Variants in ANTXR1 observed in about 807,000 individuals in gnomAD.
The protein encoded by ANTXR1 is ANTXR cell adhesion molecule 1, also known as anthrax toxin receptor 1.
Under a neutral mutation model 78.1 loss-of-function variants are expected in ANTXR1, and 19 were observed. The ratio of observed to expected loss-of-function variants is 0.24; its 90% CI spans 0.17 to 0.36. ANTXR1 has a LOEUF of 0.36. Ranked by LOEUF, ANTXR1 falls within the 10% of genes least tolerant of loss-of-function variation. The pLI, the probability that ANTXR1 is intolerant of heterozygous loss-of-function variation, is 1.00. For missense variants in ANTXR1, 518 were observed against 718.6 expected (o/e 0.72, Z 3.19); for synonymous variants, 273 against 260.5 (o/e 1.05, Z -0.46).
chr2:69,020,243 T>C (rs146975742), intron 1 of ANTXR1, among the ~76,000 whole-genome samples: 3 of 152,304 alleles, frequency 2.0e-5, no homozygotes, highest in South Asian at 4.1e-4. Flanking sequence ...TATTTTTGTA[T>C]TGAGGTGGAC....
intron 1 of ANTXR1, among the ~76,000 whole-genome samples, chr2:69,022,163 C>T (rs1479221400): frequency 1.3e-5 from 2 of 152,138 alleles, no homozygotes; most frequent in African/African-American, 2.4e-5. Flanking sequence ...CCATGGAACA[C>T]AGACCACTGC....
At chr2:69,241,895 A>C (rs1675903245) in intron 17 of ANTXR1, among the ~76,000 whole-genome samples, 1 of 152,092 alleles carries the variant, frequency 6.6e-6, no homozygotes, top group African/African-American at 2.4e-5. Flanking sequence ...GAGTCCTCCT[A>C]ATACCTGTAA....
intron 17 of ANTXR1, among the ~76,000 whole-genome samples, chr2:69,215,067 G>A (rs949857391): frequency 7.2e-5 from 11 of 152,252 alleles, no homozygotes; most frequent in African/African-American, 2.6e-4. Context: ...GCATGGATGG[G>A]CGAACCCAAT....
chr2:69,122,571 T>C (rs1672382807), intron 10 of ANTXR1, among the ~76,000 whole-genome samples: 1 of 152,026 alleles, frequency 6.6e-6, no homozygotes, highest in East Asian at 1.9e-4. Flanking sequence ...GTTTTACAGC[T>C]CAAGAGTTTT....
chr2:69,194,686 C>G (rs2104477522), intron 17 of ANTXR1, among the ~76,000 whole-genome samples: 2 of 151,930 alleles, frequency 1.3e-5, no homozygotes, highest in South Asian at 4.2e-4. Flanking sequence ...AACCCCATCT[C>G]TACTAAAAAT....
chr2:69,184,128 C>T (rs1238331621), intron 16 of ANTXR1, among the ~76,000 whole-genome samples: 1 of 152,168 alleles, frequency 6.6e-6, no homozygotes. Context: ...TTTCATCATT[C>T]GCTGAGTTAA....
At chr2:69,129,961 G>A (rs563966560) in intron 12 of ANTXR1, among the ~76,000 whole-genome samples, 73 of 152,272 alleles carry the variant, frequency 4.8e-4, no homozygotes, top group African/African-American at 1.6e-3. Context: ...ACACCAACCC[G>A]AACCAGGGAT....
intron 1 of ANTXR1, among the ~76,000 whole-genome samples, chr2:69,017,553 A>T (rs549866486): frequency 6.6e-6 from 1 of 152,294 alleles, no homozygotes; most frequent in East Asian, 1.9e-4. Flanking sequence ...ATGGAACGTC[A>T]TGTTTTCTCA....
intron 9 of ANTXR1, among the ~76,000 whole-genome samples, chr2:69,095,226 C>G (rs903529232): frequency 6.6e-6 from 1 of 151,904 alleles, no homozygotes; most frequent in African/African-American, 2.4e-5. Flanking sequence ...TTCTTTCCCT[C>G]TTTTTCTTCC....
At chr2:69,117,543 A>G (rs1353215542) in intron 10 of ANTXR1, among the ~76,000 whole-genome samples, 1 of 152,140 alleles carries the variant, frequency 6.6e-6, no homozygotes, top group Non-Finnish European at 1.5e-5. Flanking sequence ...TCATTTCCCT[A>G]TTAATTCCTG....
chr2:69,205,636 G>T (rs531577296), intron 17 of ANTXR1, among the ~76,000 whole-genome samples: 152 of 148,720 alleles, frequency 1.0e-3, no homozygotes, highest in African/African-American at 3.5e-3. Context: ...TGAGGACCTA[G>T]CTCAATTTGT....
At chr2:69,054,202 A>G (rs1376107916) in intron 3 of ANTXR1, among the ~76,000 whole-genome samples, 1 of 152,104 alleles carries the variant, frequency 6.6e-6, no homozygotes, top group East Asian at 1.9e-4. Context: ...GAGAAAGCTC[A>G]TGGCCACTGT....
At chr2:69,038,428 G>A (rs1313344337) in intron 1 of ANTXR1, among the ~76,000 whole-genome samples, 2 of 152,194 alleles carry the variant, frequency 1.3e-5, no homozygotes, top group Admixed American at 6.5e-5. Context: ...TCTCCTGTAT[G>A]AGGAGAAGAA....
chr2:69,056,854 A>G (rs1398701098), intron 3 of ANTXR1, among the ~76,000 whole-genome samples: 1 of 151,744 alleles, frequency 6.6e-6, no homozygotes, highest in Non-Finnish European at 1.5e-5. Flanking sequence ...TTTTTATTTT[A>G]TTTTAGTAGA....
At chr2:69,051,026 C>T (rs1003072370) in intron 3 of ANTXR1, among the ~76,000 whole-genome samples, 3 of 152,010 alleles carry the variant, frequency 2.0e-5, no homozygotes, top group Admixed American at 2.0e-4. Context: ...TGACTCACAC[C>T]TATAATCCCA....
chr2:69,106,660 C>G (rs1671817392), intron 10 of ANTXR1, among the ~76,000 whole-genome samples: 1 of 152,210 alleles, frequency 6.6e-6, no homozygotes, highest in Admixed American at 6.5e-5. Context: ...TACAGAAGCA[C>G]CAAGTCAAGA....
At chr2:69,208,415 T>C (rs1271266221) in intron 17 of ANTXR1, among the ~76,000 whole-genome samples, 1 of 152,158 alleles carries the variant, frequency 6.6e-6, no homozygotes, top group Non-Finnish European at 1.5e-5. Flanking sequence ...TAGTGAGAAA[T>C]GACATGTGCT....
At chr2:69,080,035 TAGAA>T (rs1168680427) in intron 8 of ANTXR1, among the ~76,000 whole-genome samples, 2 of 152,218 alleles carry the variant, frequency 1.3e-5, no homozygotes, top group Non-Finnish European at 2.9e-5. Flanking sequence ...TCGTTCAAAA[TAGAA>T]AGAAAACTAA....
At chr2:69,020,843 A>G (rs189654239) in intron 1 of ANTXR1, among the ~76,000 whole-genome samples, 45 of 152,378 alleles carry the variant, frequency 3.0e-4, no homozygotes, top group Admixed American at 2.9e-3. Context: ...TTCATTTGGC[A>G]TAGATGACAT....
Sources: allele counts gnomAD v4.1 joint callset (sites outside exome capture counted in the v4.1 genomes callset), GRCh38; gene constraint gnomAD v4.1.1; transcripts MANE v1.5; gene names NCBI Gene and HGNC (gene_info 2026-07-23, HGNC 2026-07-21).